OMG: variants seen among roughly 807,000 people sequenced by gnomAD.
OMG encodes oligodendrocyte myelin glycoprotein, also known as oligodendrocyte-myelin glycoprotein.
In OMG, 9 loss-of-function variants were observed where a neutral mutation model predicts 26.2. The observed-to-expected ratio is 0.34, with a 90% CI of 0.21 to 0.60. The LOEUF (loss-of-function observed/expected upper bound fraction) is 0.60. Ranked by LOEUF, OMG falls within the 20% of genes least tolerant of loss-of-function variation. OMG has a pLI of 0.80. For synonymous variants in OMG, 179 were observed against 190.4 expected (o/e 0.94, Z 0.49); for missense variants, 402 against 513.6 (o/e 0.78, Z 2.10).
chr17:31,296,350 A>G lies in OMG; in HGVS notation c.-6-13T>C. Reference sequence around the variant, plus strand: ...ATTCCATCAAAGCCTAGAAACAAACAGATACACCCTTCTTTTAATATGCAA... The same window carrying G: ...ATTCCATCAAAGCCTAGAAACAAACGGATACACCCTTCTTTTAATATGCAA... On this transcript the variant is annotated splice_polypyrimidine_tract_variant and intron_variant, in intron 1 of 1. Transcript: ENST00000247271. 6.2e-7 allele frequency: 1 copy of G among 1,613,874 alleles called. No individual in the cohort carries two copies. The highest frequency in any genetic ancestry group is 1.1e-5 in the South Asian group (1 of 91,048).
rs1358488132 is a variant in OMG, at chr17:31,294,759, AT to A, written c.*249del. 2 of 539,264 alleles carry A rather than the reference AT, an allele frequency of 3.7e-6. No individual in the cohort carries two copies. The highest frequency in any genetic ancestry group is 6.6e-6 in the Non-Finnish European group (2 of 302,812). 33.4% of individuals were successfully genotyped at this position (539,264 alleles called of 1,614,324 possible). A position where few individuals can be genotyped will look rare whatever the true frequency, so the allele number is the denominator to read the frequency against. ...GTGCAATAAATTGAAGCCTTAAAAC[AT>A]TTCATTTTTTTTATAAAAGAAACTC... On this transcript the variant is annotated 3_prime_UTR_variant, in exon 2 of 2. Transcript: ENST00000247271.
rs2151499865 is a variant in OMG at position 31,296,080 on chromosome 17, G to A, written c.252C>T (p.Asp84=). ...GGCTTTCAAGCCTGTTGTTTGAAAT[G>A]TCCAGGGTCCTCAGATTGGTATATT... ...LTQYTNLRTL[D]ISNNRLESLP... Residue 84 remains aspartate (D), a synonymous_variant, in exon 2 of 2, where the codon GAC becomes GAT. Transcript: ENST00000247271. 2 of 1,613,508 alleles carry A rather than the reference G, an allele frequency of 1.2e-6. No individual in the cohort carries two copies. Among genetic ancestry groups the A allele is most frequent in the South Asian group, 1.1e-5 (1 of 90,982 alleles).
Position 31,294,816 on chromosome 17 carries a change from G to A in OMG, c.*193C>T, listed in dbSNP as rs2068426342. 1 of 663,980 alleles carries A rather than the reference G, an allele frequency of 1.5e-6. No homozygotes were observed. The highest frequency in any genetic ancestry group is 2.6e-6 in the Non-Finnish European group (1 of 391,228). The allele number at this position is 663,980 out of a possible 1,614,324, so 41.1% of individuals were successfully genotyped here. On this transcript the variant is annotated 3_prime_UTR_variant, in exon 2 of 2. Transcript: ENST00000247271. ...TTTACTTAATTAAGACAGTAAAATA[G>A]CAGCAAGTACCAAGACATTGTGCAT... is the stretch of plus-strand genomic sequence containing the variant.
chr17:31,296,396 T>C (rs2068465569), intron 1 of OMG, 59 bp from the exon 2 acceptor site: 5 of 1,592,970 alleles, frequency 3.1e-6, no homozygotes, highest in East Asian at 4.5e-5. Context: ...GGCATCTGCA[T>C]GGGTCAGTTA....
At position 31,296,260 on chromosome 17, in the gene OMG, G is replaced by A. The variant is rs745504182; in HGVS notation, c.72C>T (p.Cys24=). The change falls in exon 2 of 2, where the codon TGC becomes TGT. Residue 24 remains cysteine, a synonymous_variant. Coordinates refer to ENST00000247271, the MANE Select transcript of OMG (RefSeq NM_002544.5). Reference sequence around the variant, plus strand: ...TGCATATACATTGGAGAGGACAAATGCATAAAATACCAGGTGTGAGAAACA... The same window carrying A: ...TGCATATACATTGGAGAGGACAAATACATAAAATACCAGGTGTGAGAAACA... ...ILLFLTPGIL[C]ICPLQCICTE... is the part of the protein sequence containing the mutation. The A allele has an allele frequency of 6.2e-6, 10 of 1,613,956 alleles. No homozygotes were observed. Among genetic ancestry groups the A allele is most frequent in the Non-Finnish European group, 5.9e-6 (7 of 1,179,962 alleles).
chr17:31,294,926 G>C lies in OMG; in HGVS notation c.*83C>G. On this transcript the variant is annotated 3_prime_UTR_variant, in exon 2 of 2. Transcript: ENST00000247271. ...TTTCTTGAATACTTAAATATAGCTC[G>C]AATCACTGGTTAGATATGGACATAT... The C allele has an allele frequency of 6.4e-7, 1 of 1,562,260 alleles. No individual in the cohort carries two copies. Among genetic ancestry groups the C allele is most frequent in the Non-Finnish European group, 8.8e-7 (1 of 1,134,678 alleles).
rs925177065 is a variant in OMG at position 31,294,758 on chromosome 17, C to A, written c.*251G>T. The A allele has an allele frequency of 2.3e-5, 12 of 532,266 alleles. No individual in the cohort carries two copies. Among genetic ancestry groups the A allele is most frequent in the Admixed American group, 3.2e-5 (1 of 31,332 alleles). 33.0% of individuals were successfully genotyped at this position (532,266 alleles called of 1,614,324 possible). ...TGTGCAATAAATTGAAGCCTTAAAA[C>A]ATTTCATTTTTTTTATAAAAGAAAC... is the stretch of plus-strand genomic sequence containing the variant. On this transcript the variant is annotated 3_prime_UTR_variant, in exon 2 of 2. Coordinates refer to ENST00000247271, the MANE Select transcript of OMG (RefSeq NM_002544.5).
Position 31,296,182 on chromosome 17 carries a change from T to C in OMG, c.150A>G (p.Pro50=), listed in dbSNP as rs2068460768. The change falls in exon 2 of 2, where the codon CCA becomes CCG. Residue 50 remains proline, a synonymous_variant. Coordinates refer to ENST00000247271, the MANE Select transcript of OMG (RefSeq NM_002544.5). The stretch of plus-strand genomic sequence containing the variant: ...GTATAATATTCTCTTGCAGTCCAGA[T>C]GGTAATGTAGACAAGTTTCTGCCTG... ...DCSGRNLSTL[P]SGLQENIIHL... is the part of the protein sequence containing the mutation. 6.2e-7 allele frequency: 1 copy of C among 1,613,426 alleles called. No homozygotes were observed. Among genetic ancestry groups the C allele is most frequent in the Non-Finnish European group, 8.5e-7 (1 of 1,179,594 alleles).
chr17:31,296,596 C>G, intron 1 of OMG: 1 of 463,774 alleles, frequency 2.2e-6, no homozygotes, highest in East Asian at 4.0e-5. Flanking sequence ...CTCTCCCTCC[C>G]CCCTTTTCTA....
chr17:31,297,056 G>A (rs1199927763), intron 1 of OMG, 100 bp downstream of exon 1: 2 of 152,152 alleles, frequency 1.3e-5, no homozygotes, highest in Non-Finnish European at 2.9e-5. Context: ...GCATGCACTT[G>A]CTATTGAATA....
Position 31,296,335 on chromosome 17 carries a change from A to T in OMG, c.-4T>A, listed in dbSNP as rs2068463921. ...TTTTCAATATCTGATATTCCATCAA[A>T]GCCTAGAAACAAACAGATACACCCT... On this transcript the variant is annotated splice_region_variant and 5_prime_UTR_variant, in exon 2 of 2. Transcript: ENST00000247271. 6.2e-7 allele frequency: 1 copy of T among 1,614,042 alleles called. No homozygotes were observed. Among genetic ancestry groups the T allele is most frequent in the Non-Finnish European group, 8.5e-7 (1 of 1,179,892 alleles).
rs2068455933 is a variant in OMG at position 31,295,960 on chromosome 17, A to G, written c.372T>C (p.Asn124=). Residue 124 remains asparagine (N), a synonymous_variant, in exon 2 of 2, where the codon AAT becomes AAC. Coordinates refer to ENST00000247271, the MANE Select transcript of OMG (RefSeq NM_002544.5). ...TCTTAGAAACATCCAGATATTTAAG[A>G]TTCCACTGATAAGCAGTATCAGATT... The part of the protein sequence containing the change: ...LDKSDTAYQW[N]LKYLDVSKNM... 6.2e-7 allele frequency: 1 copy of G among 1,614,020 alleles called. No individual in the cohort carries two copies. Among genetic ancestry groups the G allele is most frequent in the Admixed American group, 1.7e-5 (1 of 59,992 alleles).
chr17:31,296,216 A>T lies in OMG; in HGVS notation c.116T>A (p.Val39Glu). The T allele has an allele frequency of 1.9e-6, 3 of 1,614,162 alleles. No homozygotes were observed. The highest frequency in any genetic ancestry group is 2.5e-6 in the Non-Finnish European group (3 of 1,180,008). The change falls in exon 2 of 2, where the codon GTG becomes GAG. Residue 39 changes from valine (V) to glutamate (E), a missense_variant. Around this residue, in one of 3 missense-constraint regions of OMG, gnomAD observed 65 missense variants for 80.0 expected, o/e 0.81. Transcript: ENST00000247271. ...AGACAAGTTTCTGCCTGAACAGTCC[A>T]CATGCCTGTGCCTCTCTGTGCATAT... The part of the protein sequence containing the change: ...QCICTERHRH[V>E]DCSGRNLSTL...
rs763849055 is a variant in OMG at position 31,295,141 on chromosome 17, G to C, written c.1191C>G (p.Ser397Arg). Residue 397 changes from serine (S) to arginine (R), a missense_variant, in exon 2 of 2, where the codon AGC becomes AGG. By Grantham distance (110) the Ser-to-Arg change is moderately radical. Coordinates refer to ENST00000247271, the MANE Select transcript of OMG (RefSeq NM_002544.5). ...PNNFSEMPQQ[S>R]TTLNLWREET... The stretch of plus-strand genomic sequence containing the variant: ...CTTCCCTCCATAAGTTAAGGGTTGT[G>C]CTTTGTTGAGGCATTTCAGAGAAAT... 1.2e-6 allele frequency: 2 copies of C among 1,614,030 alleles called. No individual in the cohort carries two copies. Among genetic ancestry groups the C allele is most frequent in the Admixed American group, 1.7e-5 (1 of 59,996 alleles).
chr17:31,295,274 A>T lies in OMG; in HGVS notation c.1058T>A (p.Leu353Gln). The change falls in exon 2 of 2, where the codon CTA becomes CAA. Residue 353 changes from leucine to glutamine, a missense_variant. Leu to Gln is a moderately radical substitution (Grantham distance 113). This residue lies in a region of OMG where 247 missense variants were observed against 274.7 expected (regional missense o/e 0.90). Transcript: ENST00000247271. ...INSHEAAAAT[L>Q]TIHLQDGMVT... ...CATTCCATCTTGGAGATGAATAGTT[A>T]GAGTTGCAGCTGCTGCTTCATGTGA... 1.2e-6 allele frequency: 2 copies of T among 1,614,140 alleles called. No homozygotes were observed. The highest frequency in any genetic ancestry group is 1.6e-4 in the Middle Eastern group (1 of 6,062).
rs781115146 is a variant in OMG at position 31,295,383 on chromosome 17, T to C, written c.949A>G (p.Thr317Ala). ...GTAAAGGTGGTGTCTTTGCTTAGAG[T>C]GGCACCAAACGTTGTTTCCTTTGTT... ...YRTKETTFGATLSKDTTFTST... is the reference protein window; with the variant it reads ...YRTKETTFGAALSKDTTFTST... The change falls in exon 2 of 2, where the codon ACT becomes GCT. Residue 317 changes from threonine to alanine, a missense_variant. By Grantham distance (58) the Thr-to-Ala change is moderately conservative. Coordinates refer to ENST00000247271, the MANE Select transcript of OMG (RefSeq NM_002544.5). The C allele has an allele frequency of 8.7e-6, 14 of 1,614,134 alleles. No individual in the cohort carries two copies. The highest frequency in any genetic ancestry group is 1.3e-5 in the African/African-American group (1 of 75,034).
At position 31,295,929 on chromosome 17, in the gene OMG, G is replaced by C. The variant is rs1359488926; in HGVS notation, c.403C>G (p.Leu135Val). 9 of 1,614,100 alleles carry C rather than the reference G, an allele frequency of 5.6e-6. No individual in the cohort carries two copies. In the South Asian group the frequency reaches 6.6e-5, roughly 12 times the overall value. The stretch of plus-strand genomic sequence containing the variant: ...TTTTTAATGAGGACAACCTTTTCCA[G>C]CATGTTCTTAGAAACATCCAGATAT... ...LKYLDVSKNMLEKVVLIKNTL... is the reference protein window; with the variant it reads ...LKYLDVSKNMVEKVVLIKNTL... Residue 135 changes from leucine (L) to valine (V), a missense_variant, in exon 2 of 2, where the codon CTG becomes GTG. Around this residue, in one of 3 missense-constraint regions of OMG, gnomAD observed 90 missense variants for 158.9 expected, o/e 0.57. Coordinates refer to ENST00000247271, the MANE Select transcript of OMG (RefSeq NM_002544.5).
At chr17:31,296,541 G>C in intron 1 of OMG, 1 of 585,000 alleles carries the variant, frequency 1.7e-6, no homozygotes, top group Non-Finnish European at 3.1e-6. Flanking sequence ...GTGGTAGAGA[G>C]AGACTCTCTC....
In OMG at chr17:31,295,467, T is replaced by C; in HGVS notation, c.865A>G (p.Ile289Val). The C allele has an allele frequency of 6.2e-7, 1 of 1,614,186 alleles. No homozygotes were observed. The highest frequency in any genetic ancestry group is 8.5e-7 in the Non-Finnish European group (1 of 1,180,020). Residue 289 changes from isoleucine to valine, a missense_variant, in exon 2 of 2, where the codon ATT (isoleucine) becomes GTT (valine). Transcript: ENST00000247271. ...TGAGTTACCACACTCAGAGAGTTAA[T>C]GGTGTCCACTGTCTGCATCCCACTT... ...TVSGMQTVDTINSLSVVTQPK... is the reference protein window; with the variant it reads ...TVSGMQTVDTVNSLSVVTQPK...
Sources: allele counts gnomAD v4.1 joint callset, GRCh38; gene constraint gnomAD v4.1.1; regional missense constraint gnomAD v4.1.1; transcripts MANE v1.5; gene names NCBI Gene and HGNC (gene_info 2026-07-23, HGNC 2026-07-21).